The following NR5A2 variants were observed in gnomAD, a reference collection of about 807,000 sequenced individuals.
NR5A2 encodes the protein CYP7A promoter-binding factor.
NR5A2 carries 26 observed loss-of-function variants against 62.7 expected under a neutral mutation model. The ratio of observed to expected loss-of-function variants is 0.41; its 90% CI spans 0.30 to 0.58. NR5A2 has a LOEUF of 0.58. NR5A2 is among the 20% of genes least tolerant of loss of function. The pLI is 0.22. For synonymous variants in NR5A2, 246 were observed against 241.7 expected, an observed-to-expected ratio of 1.02 and a Z score of -0.16; for missense variants, 541 against 669.1, an observed-to-expected ratio of 0.81 and a Z score of 2.11.
intron 5 of NR5A2, among the ~76,000 whole-genome samples, chr1:200,090,160 C>T (rs2102250920): frequency 6.6e-6 from 1 of 152,338 alleles, no homozygotes; most frequent in South Asian, 2.1e-4. Flanking sequence ...ACTGTTTCCT[C>T]TCACAAACTC....
chr1:200,140,450 A>T (rs1001874236), intron 7 of NR5A2, among the ~76,000 whole-genome samples: 1 of 152,128 alleles, frequency 6.6e-6, no homozygotes, highest in African/African-American at 2.4e-5. Flanking sequence ...TCAGCTTTTT[A>T]AAATTAAGAT....
At chr1:200,081,844 A>G (rs1263253101) in intron 5 of NR5A2, among the ~76,000 whole-genome samples, 4 of 148,984 alleles carry the variant, frequency 2.7e-5, no homozygotes, top group African/African-American at 9.9e-5. Context: ...CATTTTAATG[A>G]TATATTTAGG....
At chr1:200,063,103 AACC>A (rs1663303282) in intron 5 of NR5A2, among the ~76,000 whole-genome samples, 1 of 151,366 alleles carries the variant, frequency 6.6e-6, no homozygotes, top group African/African-American at 2.4e-5. Context: ...GGCTCACTGC[AACC>A]CCTGCCTCCC....
intron 7 of NR5A2, among the ~76,000 whole-genome samples, chr1:200,122,834 A>AT (rs976713876): frequency 1.3e-5 from 2 of 152,192 alleles, no homozygotes; most frequent in African/African-American, 4.8e-5. Flanking sequence ...CCGAGAGTCT[A>AT]TTTTTTTAGA....
At chr1:200,040,265 T>C (rs991599098) in intron 2 of NR5A2, among the ~76,000 whole-genome samples, 3 of 152,142 alleles carry the variant, frequency 2.0e-5, no homozygotes, top group Non-Finnish European at 4.4e-5. Flanking sequence ...GTCTTAGCGC[T>C]ATTAGAATAC....
chr1:200,156,957 G>A (rs551271810), intron 7 of NR5A2, among the ~76,000 whole-genome samples: 2 of 152,046 alleles, frequency 1.3e-5, no homozygotes, highest in South Asian at 2.1e-4. Flanking sequence ...CTATATTGCC[G>A]ACATCTTAAC....
intron 1 of NR5A2, among the ~76,000 whole-genome samples, chr1:200,032,264 G>T (rs1198081887): frequency 1.3e-5 from 2 of 152,218 alleles, no homozygotes; most frequent in Non-Finnish European, 2.9e-5. Flanking sequence ...AGGCCCTGGG[G>T]AAGTGTTGAA....
intron 5 of NR5A2, among the ~76,000 whole-genome samples, chr1:200,095,185 T>G (rs1331004961): frequency 1.3e-5 from 2 of 150,926 alleles, no homozygotes; most frequent in Admixed American, 1.3e-4. Context: ...GGTATACTCA[T>G]AGCTCACTGC....
chr1:200,071,285 C>T (rs1663727277), intron 5 of NR5A2, among the ~76,000 whole-genome samples: 1 of 152,212 alleles, frequency 6.6e-6, no homozygotes, highest in Admixed American at 6.5e-5. Context: ...TGTCTCATTT[C>T]ACCTTAGGAG....
At chr1:200,091,859 A>C (rs1664833134) in intron 5 of NR5A2, among the ~76,000 whole-genome samples, 1 of 152,024 alleles carries the variant, frequency 6.6e-6, no homozygotes, top group Admixed American at 6.6e-5. Context: ...TGTGTGGAGG[A>C]CTGATGTGCA....
intron 7 of NR5A2, among the ~76,000 whole-genome samples, chr1:200,161,684 A>T (rs1653651300): frequency 6.6e-6 from 1 of 152,236 alleles, no homozygotes; most frequent in African/African-American, 2.4e-5. Context: ...ATAGGAAAAG[A>T]GCTTTGTTAT....
chr1:200,048,379 C>A lies in NR5A2; in HGVS notation c.671C>A (p.Pro224His). The stretch of plus-strand genomic sequence containing the variant: ...ATCCACTCTGCCTCCAAAGGCCTAC[C>A]TCTGAACCATGCTGCCTTGCCTCCT... Reference protein sequence around the residue: ...QNIHSASKGLPLNHAALPPTD... With the variant: ...QNIHSASKGLHLNHAALPPTD... Residue 224 changes from proline to histidine, a missense_variant, in exon 5 of 8, where the codon CCT becomes CAT. Transcript: ENST00000367362. The surrounding 1 kb of genome is among the most constrained non-coding windows in gnomAD (Gnocchi z 4.8). 2 of 1,614,188 alleles carry A rather than the reference C, an allele frequency of 1.2e-6. No individual in the cohort carries two copies. The highest frequency in any genetic ancestry group is 1.7e-6 in the Non-Finnish European group (2 of 1,180,036).
Position 200,027,734 on chromosome 1 carries a change from G to A in NR5A2, c.-114G>A. On this transcript the variant is annotated 5_prime_UTR_variant, in exon 1 of 8. Coordinates refer to ENST00000367362, the MANE Select transcript of NR5A2 (RefSeq NM_205860.3). ...TGCTTTTTCTTAACTTTCACTAAGG[G>A]TTACTGTAGTCTGATGTGTCCTTCC... 1 of 576,580 alleles carries A rather than the reference G, an allele frequency of 1.7e-6. No homozygotes were observed. The highest frequency in any genetic ancestry group is 3.1e-6 in the Non-Finnish European group (1 of 326,430). 35.7% of individuals were successfully genotyped at this position (576,580 alleles called of 1,614,324 possible).
chr1:200,066,781 T>C (rs982667888), intron 5 of NR5A2, among the ~76,000 whole-genome samples: 1 of 151,988 alleles, frequency 6.6e-6, no homozygotes, highest in African/African-American at 2.4e-5. Flanking sequence ...AGAGACAGGG[T>C]TTCACCATGT....
chr1:200,048,796 G>T lies in NR5A2; in HGVS notation c.1088G>T (p.Ser363Ile). The part of the protein sequence containing the change: ...LFSIVEWARS[S>I]IFFRELKVDD... Reference sequence around the variant, plus strand: ...TCCATTGTCGAGTGGGCCAGGAGTAGTATCTTCTTCAGAGAACTTAAGGTA... The same window carrying T: ...TCCATTGTCGAGTGGGCCAGGAGTATTATCTTCTTCAGAGAACTTAAGGTA... Residue 363 changes from serine to isoleucine, a missense_variant, in exon 5 of 8, where the codon AGT becomes ATT. Ser to Ile is a moderately radical substitution (Grantham distance 142, BLOSUM62 -2). Coordinates refer to ENST00000367362, the MANE Select transcript of NR5A2 (RefSeq NM_205860.3). This position sits in a 1 kb window ranked among gnomAD's most constrained non-coding sequence, Gnocchi z 4.8. The T allele has an allele frequency of 6.2e-7, 1 of 1,614,140 alleles. No individual in the cohort carries two copies. The highest frequency in any genetic ancestry group is 2.2e-5 in the East Asian group (1 of 44,892).
rs1406964147 is a variant in NR5A2, at chr1:200,176,669, T to C, written c.*2459T>C. The C allele has an allele frequency of 6.6e-6, 1 of 152,160 alleles. No homozygotes were observed. The highest frequency in any genetic ancestry group is 1.9e-4 in the East Asian group (1 of 5,200). 9.4% of individuals were successfully genotyped at this position (152,160 alleles called of 1,614,324 possible). A position where few individuals can be genotyped will look rare whatever the true frequency, so the allele number is the denominator to read the frequency against. On this transcript the variant is annotated 3_prime_UTR_variant, in exon 8 of 8. Coordinates refer to ENST00000367362, the MANE Select transcript of NR5A2 (RefSeq NM_205860.3). ...ATATGTTGATTTTTATTTTATTTTA[T>C]TTTTTATTTTAAGAGGCGGGATCTT...
chr1:200,080,198 G>A (rs1313762662), intron 5 of NR5A2, among the ~76,000 whole-genome samples: 1 of 152,096 alleles, frequency 6.6e-6, no homozygotes, highest in East Asian at 1.9e-4. Context: ...CAAGAAATAT[G>A]TCTAATGGCT....
chr1:200,086,675 G>A (rs555227758), intron 5 of NR5A2, among the ~76,000 whole-genome samples: 4 of 152,310 alleles, frequency 2.6e-5, no homozygotes, highest in Admixed American at 6.5e-5. Flanking sequence ...AGTGATAGAA[G>A]TTCCCTAAGG....
At chr1:200,087,098 T>G (rs1664585633) in intron 5 of NR5A2, among the ~76,000 whole-genome samples, 1 of 152,036 alleles carries the variant, frequency 6.6e-6, no homozygotes, top group African/African-American at 2.4e-5. Flanking sequence ...CTAAAGTAGC[T>G]GAAGGGTCTT....
Sources: gnomAD v4.1 joint callset for allele counts (sites outside exome capture counted in the v4.1 genomes callset) on GRCh38, gnomAD v4.1.1 for gene constraint, Gnocchi (gnomAD v3.1) non-coding constraint, MANE v1.5 for transcripts, NCBI Gene and HGNC (gene_info 2026-07-23, HGNC 2026-07-21) for gene names.